The following ACP3 variants were observed in gnomAD, a reference collection of about 807,000 sequenced individuals.
ACP3 encodes acid phosphatase 3.
Under a neutral mutation model 45.6 loss-of-function variants are expected in ACP3, and 38 were observed. That is an observed-to-expected ratio of 0.83 (90% CI 0.64 to 1.09). The LOEUF is 1.09. Ranked by LOEUF, ACP3 falls within the 50% of genes least tolerant of loss-of-function variation. ACP3 has a pLI of 0.00. For missense variants in ACP3, 466 were observed against 463.2 expected, an observed-to-expected ratio of 1.01 and a Z score of -0.05; for synonymous variants, 162 against 164.7, an observed-to-expected ratio of 0.98 and a Z score of 0.13.
chr3:132,321,809 T>C (rs1173799394), intron 1 of ACP3, among the ~76,000 whole-genome samples: 2 of 152,228 alleles, frequency 1.3e-5, no homozygotes, highest in African/African-American at 4.8e-5. Context: ...TTGCCCTATA[T>C]GCTGCAAATT....
At chr3:132,360,919 AATACATGTCCAGCCCTGC>A (rs1938029398), downstream of ACP3, among the ~76,000 whole-genome samples, 1 of 152,170 alleles carries the variant, frequency 6.6e-6, no homozygotes, top group South Asian at 2.1e-4. Flanking sequence ...TTGCTAACTG[AATACATGTCCAGCCCTGC>A]ATACCTAGCA....
At chr3:132,342,710 T>C in intron 6 of ACP3, 66 bp downstream of exon 6, 3 of 960,454 alleles carry the variant, frequency 3.1e-6, no homozygotes, top group Middle Eastern at 2.2e-4. Context: ...TATTTTGAAA[T>C]AGATGAATAT....
rs1409829684 is a variant in ACP3, at chr3:132,349,971, C to G, written c.833C>G (p.Pro278Arg). The G allele has an allele frequency of 1.2e-6, 2 of 1,612,262 alleles. No individual in the cohort carries two copies. Among genetic ancestry groups the G allele is most frequent in the Admixed American group, 1.7e-5 (1 of 59,980 alleles). Reference sequence around the variant, plus strand: ...CACATGAAGAGAGCAACTCAGATACCAAGCTACAAAAAACTCATCATGTAT... The same window carrying G: ...CACATGAAGAGAGCAACTCAGATACGAAGCTACAAAAAACTCATCATGTAT... The part of the protein sequence containing the change: ...LNHMKRATQI[P>R]SYKKLIMYSA... Residue 278 changes from proline to arginine, a missense_variant, in exon 8 of 10, where the codon CCA (proline) becomes CGA (arginine). Pro to Arg is a moderately radical substitution (Grantham distance 103). Coordinates refer to ENST00000336375, the MANE Select transcript of ACP3 (RefSeq NM_001099.5).
At chr3:132,341,359 T>C (rs547510923) in intron 5 of ACP3, among the ~76,000 whole-genome samples, 46 of 152,366 alleles carry the variant, frequency 3.0e-4, no homozygotes, top group African/African-American at 1.1e-3. Flanking sequence ...ATCTCCTGAA[T>C]GATTGTTTTA....
intron 1 of ACP3, among the ~76,000 whole-genome samples, chr3:132,321,383 C>G (rs115666721): frequency 0.011 from 1,692 of 152,180 alleles, 34 homozygotes; most frequent in African/African-American, 0.039. Flanking sequence ...GGTCTCCTGC[C>G]TCAGTTCACA....
At chr3:132,364,675 T>C (rs572078508) in intron 10 of ACP3, among the ~76,000 whole-genome samples, 108 of 152,322 alleles carry the variant, frequency 7.1e-4, no homozygotes, top group African/African-American at 2.4e-3. Context: ...CTGCTAGACA[T>C]TGAGCTCCTC....
In ACP3 at chr3:132,358,761, G is replaced by A. The variant is rs544964224; in HGVS notation, c.*1883G>A. 1.9e-3 allele frequency: 1,916 copies of A among 987,474 alleles called. 1 individual carries two copies. Among genetic ancestry groups the A allele is most frequent in the South Asian group, 3.3e-3 (70 of 21,508 alleles). 61.2% of individuals were successfully genotyped at this position (987,474 alleles called of 1,614,324 possible). Reference sequence around the variant, plus strand: ...AAAGTCATTATTAGGAAGTTCAAAAGCATTGCTTTTATAATGAACTTAGAA... The same window carrying A: ...AAAGTCATTATTAGGAAGTTCAAAAACATTGCTTTTATAATGAACTTAGAA... On this transcript the variant is annotated 3_prime_UTR_variant, in exon 10 of 10. Transcript: ENST00000336375.
At chr3:132,356,251 A>G (rs1178730553) in intron 9 of ACP3, among the ~76,000 whole-genome samples, 1 of 152,202 alleles carries the variant, frequency 6.6e-6, no homozygotes, top group East Asian at 1.9e-4. Context: ...ATACATTCAG[A>G]AAGAGGACTG....
rs147035271 is a variant in ACP3 at position 132,317,643 on chromosome 3, C to T, written c.120+67C>T. ...TCCCAGCAAAGTCTGATAAGGCAAG[C>T]GTCAGGTTTCATCTTATCCTTGGAT... On this transcript the variant is annotated intron_variant, in intron 1 of 9. Coordinates refer to ENST00000336375, the MANE Select transcript of ACP3 (RefSeq NM_001099.5). 15 of 1,520,298 alleles carry T rather than the reference C, an allele frequency of 9.9e-6. No homozygotes were observed. The African/African-American group carries it at 1.1e-4, about 11-fold the overall frequency. The allele number at this position is 1,520,298 out of a possible 1,614,324, so 94.2% of individuals were successfully genotyped here. A position where few individuals can be genotyped will look rare whatever the true frequency, so the allele number is the denominator to read the frequency against.
intron 1 of ACP3, among the ~76,000 whole-genome samples, chr3:132,320,629 A>C (rs1433159166): frequency 3.4e-5 from 5 of 149,152 alleles, no homozygotes; most frequent in African/African-American, 1.2e-4. Context: ...AGAATTCTTA[A>C]TCAAGTAATA....
intron 9 of ACP3, among the ~76,000 whole-genome samples, chr3:132,354,383 T>C (rs1210409018): frequency 6.6e-6 from 1 of 152,154 alleles, no homozygotes; most frequent in Non-Finnish European, 1.5e-5. Context: ...TAAATCTATA[T>C]TACAAATCAA....
At position 132,358,542 on chromosome 3, in the gene ACP3, A is replaced by C. The variant is rs187212981; in HGVS notation, c.*1664A>C. ...TGGATAAAGATGAGATGGTTTCTAG[A>C]GATGGTTTCTACTGGCTGCCAGAAT... On this transcript the variant is annotated 3_prime_UTR_variant, in exon 10 of 10. Coordinates refer to ENST00000336375, the MANE Select transcript of ACP3 (RefSeq NM_001099.5). The C allele has an allele frequency of 2.2e-3, 2,565 of 1,170,232 alleles. 5 individuals are homozygous for C. The highest frequency in any genetic ancestry group is 2.6e-3 in the Non-Finnish European group (2,342 of 916,490). The allele number at this position is 1,170,232 out of a possible 1,614,324, so 72.5% of individuals were successfully genotyped here.
At chr3:132,342,991 A>G (rs1272608499) in intron 6 of ACP3, among the ~76,000 whole-genome samples, 1 of 152,196 alleles carries the variant, frequency 6.6e-6, no homozygotes, top group Non-Finnish European at 1.5e-5. Flanking sequence ...TTAATGAAAA[A>G]ACAATGTTGT....
chr3:132,345,287 C>T (rs1937597015), intron 7 of ACP3, among the ~76,000 whole-genome samples: 1 of 152,160 alleles, frequency 6.6e-6, no homozygotes, highest in South Asian at 2.1e-4. Flanking sequence ...GTACCTGGTA[C>T]ATAATACACT....
At chr3:132,333,984 T>C (rs2107800580) in intron 4 of ACP3, among the ~76,000 whole-genome samples, 1 of 152,232 alleles carries the variant, frequency 6.6e-6, no homozygotes, top group South Asian at 2.1e-4. Context: ...GGCAGGAGAA[T>C]CACTTAAACC....
At chr3:132,319,374 T>C (rs1937165331) in intron 1 of ACP3, among the ~76,000 whole-genome samples, 3 of 152,220 alleles carry the variant, frequency 2.0e-5, no homozygotes, top group South Asian at 4.1e-4. Flanking sequence ...TAACCAATAG[T>C]CAATTGAGTG....
chr3:132,359,793 G>A (rs918470291), downstream of ACP3, among the ~76,000 whole-genome samples: 12 of 152,192 alleles, frequency 7.9e-5, no homozygotes, highest in South Asian at 8.3e-4. Context: ...GCTGCAGCCC[G>A]CTCATACAGA....
chr3:132,332,651 C>T (rs73215911), intron 4 of ACP3: 1 of 265,778 alleles, frequency 3.8e-6, no homozygotes, highest in Non-Finnish European at 7.2e-6. Flanking sequence ...AGACAAGTCC[C>T]CCAGTGTTCT....
chr3:132,363,431 C>T (rs1252439721), downstream of ACP3, among the ~76,000 whole-genome samples: 1 of 152,198 alleles, frequency 6.6e-6, no homozygotes. Flanking sequence ...ATGAGATTGC[C>T]TTGACCACAG....
Sources: gnomAD v4.1 joint callset for allele counts (sites outside exome capture counted in the v4.1 genomes callset) on GRCh38, gnomAD v4.1.1 for gene constraint, MANE v1.5 for transcripts, NCBI Gene and HGNC (gene_info 2026-07-23, HGNC 2026-07-21) for gene names.